MYH11: variants seen among roughly 807,000 people sequenced by gnomAD.
MYH11 encodes myosin heavy chain 11.
Under a neutral mutation model 246.6 loss-of-function variants are expected in MYH11, and 80 were observed. The observed-to-expected ratio is 0.32, with a 90% CI of 0.27 to 0.39. MYH11 has a LOEUF of 0.39. MYH11 is among the 10% of genes least tolerant of loss of function. The pLI is 1.00. For synonymous variants in MYH11, 1,071 were observed against 1,015.5 expected (o/e 1.05, Z -1.04); for missense variants, 2,158 against 2,546.8 (o/e 0.85, Z 3.29).
At chr16:15,722,598 A>G (rs1469965014) in intron 31 of MYH11, among the ~76,000 whole-genome samples, 1 of 152,248 alleles carries the variant, frequency 6.6e-6, no homozygotes, top group East Asian at 1.9e-4. Flanking sequence ...GAAGCATTGA[A>G]GATGAGCTGA....
chr16:15,828,803 A>AAGGAAG, intron 2 of MYH11, among the ~76,000 whole-genome samples: 1 of 143,752 alleles, frequency 7.0e-6, no homozygotes, highest in South Asian at 2.2e-4. Flanking sequence ...AAAAAAAAAA[A>AAGGAAG]GAAGGAAGGA....
At position 15,721,027 on chromosome 16, in the gene MYH11, G is replaced by T; in HGVS notation, c.4603C>A (p.Arg1535=). 1.2e-6 allele frequency: 2 copies of T among 1,613,920 alleles called. No individual in the cohort carries two copies. The highest frequency in any genetic ancestry group is 1.1e-5 in the South Asian group (1 of 91,062). The change falls in exon 33 of 41, where the codon CGG becomes AGG. Residue 1535 remains arginine, a synonymous_variant. Coordinates refer to ENST00000300036, the MANE Select transcript of MYH11 (RefSeq NM_002474.3). ...KNVHELEKSK[R]ALETQMEEMK... The stretch of plus-strand genomic sequence containing the variant: ...TCCTCCATCTGGGTCTCCAGGGCCC[G>T]CTTGGACTTCTCCAGCTCATGGACC...
intron 10 of MYH11, 55 bp downstream of exon 10, chr16:15,763,741 T>TGGGGCCCCCCCCCCC: frequency 1.5e-6 from 1 of 646,852 alleles, no homozygotes; most frequent in Non-Finnish European, 2.9e-6. Context: ...AAATGTCACC[T>TGGGGCCCCCCCCCCC]CCCCCACCCC....
At chr16:15,812,330 T>A (rs2043156372) in intron 3 of MYH11, among the ~76,000 whole-genome samples, 1 of 152,044 alleles carries the variant, frequency 6.6e-6, no homozygotes, top group South Asian at 2.1e-4. Flanking sequence ...TGTAAGCATA[T>A]GCTGAGGGCA....
chr16:15,758,798 TAA>T (rs201338555), intron 12 of MYH11, among the ~76,000 whole-genome samples: 16 of 134,144 alleles, frequency 1.2e-4, no homozygotes, highest in Admixed American at 2.3e-4. Context: ...AGACTCTGTC[TAA>T]AAAAAAAAAA....
chr16:15,761,653 G>A (rs1382485685), intron 10 of MYH11, among the ~76,000 whole-genome samples: 2 of 152,160 alleles, frequency 1.3e-5, no homozygotes, highest in African/African-American at 4.8e-5. Flanking sequence ...CATGAAAATA[G>A]CATTACATGC....
rs747215448 is a variant in MYH11 at position 15,776,138 on chromosome 16, C to G, written c.829G>C (p.Asp277His). The G allele has an allele frequency of 2.5e-6, 4 of 1,614,144 alleles. No homozygotes were observed. The South Asian group carries it at 4.4e-5, about 18-fold the overall frequency. The change falls in exon 8 of 41, where the codon GAC becomes CAC. Residue 277 changes from aspartate (D) to histidine (H), a missense_variant. By Grantham distance (81) the Asp-to-His change is moderately conservative. Transcript: ENST00000300036. The part of the protein sequence containing the change: ...EKSRAIRQAR[D>H]ERTFHIFYYM... ...TAAAAGATGTGGAATGTCCTCTCGT[C>G]TCTGGCTTGGCGAATTGCCCGTGAT...
chr16:15,822,592 A>G (rs983395631), intron 3 of MYH11, among the ~76,000 whole-genome samples: 7 of 152,196 alleles, frequency 4.6e-5, no homozygotes, highest in African/African-American at 1.7e-4. Context: ...GTCCACACCT[A>G]TAGTCCCAGC....
chr16:15,788,254 A>G (rs2042524647), intron 4 of MYH11, among the ~76,000 whole-genome samples: 1 of 150,218 alleles, frequency 6.7e-6, no homozygotes, highest in African/African-American at 2.5e-5. Flanking sequence ...GTCTTCTTCT[A>G]TTTTTCAGTT....
chr16:15,817,000 T>C (rs1483941863), intron 3 of MYH11, among the ~76,000 whole-genome samples: 1 of 152,160 alleles, frequency 6.6e-6, no homozygotes, highest in East Asian at 1.9e-4. Flanking sequence ...ACTGTATATA[T>C]ATGGAATGCT....
chr16:15,799,914 T>C (rs2042839701), intron 3 of MYH11, among the ~76,000 whole-genome samples: 1 of 151,872 alleles, frequency 6.6e-6, no homozygotes, highest in South Asian at 2.1e-4. Context: ...ATGGATGGAT[T>C]GAGGGATGGA....
At chr16:15,714,500 C>A in intron 40 of MYH11, 1 of 318,400 alleles carries the variant, frequency 3.1e-6, no homozygotes, top group Non-Finnish European at 6.0e-6. Flanking sequence ...GGCAGCAGTG[C>A]TGAGGGGGAG....
chr16:15,803,211 G>A (rs911858453), intron 3 of MYH11, among the ~76,000 whole-genome samples: 7 of 151,864 alleles, frequency 4.6e-5, no homozygotes, highest in East Asian at 1.9e-4. Context: ...ACAGATACCC[G>A]TGCCTTTAGC....
At position 15,808,944 on chromosome 16, in the gene MYH11, G is replaced by T. The variant is rs1452435272; in HGVS notation, c.503-10257C>A. Among the ~76,000 whole-genome samples, 5 of 152,110 alleles carry T rather than the reference G, an allele frequency of 3.3e-5. No individual in the cohort carries two copies. The East Asian group carries it at 9.6e-4, about 29-fold the overall frequency. ...GAAAGCAGAACTGGCCAGTGAAGGG[G>T]TGTAGGAGACAGGAAAACCAACGCT... is the stretch of plus-strand genomic sequence containing the variant. On this transcript the variant is annotated intron_variant, in intron 3 of 40. Coordinates refer to ENST00000300036, the MANE Select transcript of MYH11 (RefSeq NM_002474.3).
rs749547239 is a variant in MYH11, at chr16:15,759,717, A to G, written c.1260T>C (p.Ala420=). The G allele has an allele frequency of 1.9e-6, 3 of 1,614,054 alleles. No individual in the cohort carries two copies. The highest frequency in any genetic ancestry group is 1.3e-5 in the African/African-American group (1 of 74,936). ...KAQTKEQADF[A]VEALAKATYE... ...ATGTTGCCTTGGCCAAAGCCTCTAC[A>G]GCAAAGTCAGCCTGCAGAGGGCAAC... The change falls in exon 12 of 41, where the codon GCT becomes GCC. Residue 420 remains alanine, a synonymous_variant. Transcript: ENST00000300036.
chr16:15,725,147 A>AC (rs1303792010), intron 28 of MYH11, 155 bp from the exon 29 acceptor site: 6 of 655,316 alleles, frequency 9.2e-6, no homozygotes, highest in African/African-American at 7.4e-5. Flanking sequence ...AAAAAAAAAA[A>AC]AACACACACA....
chr16:15,719,121 C>CT (rs1334477088), intron 36 of MYH11, 99 bp downstream of exon 36: 13 of 1,219,460 alleles, frequency 1.1e-5, no homozygotes, highest in Admixed American at 3.8e-5. Flanking sequence ...GAATGAAACT[C>CT]TGTCTCGAAA....
At chr16:15,800,232 A>G (rs2042848585) in intron 3 of MYH11, among the ~76,000 whole-genome samples, 1 of 151,800 alleles carries the variant, frequency 6.6e-6, no homozygotes. Context: ...GGATGGGTGG[A>G]TGGAAGAATG....
chr16:15,706,377 G>C (rs1335426349), intron 40 of MYH11, among the ~76,000 whole-genome samples: 2 of 152,110 alleles, frequency 1.3e-5, no homozygotes, highest in East Asian at 3.9e-4. Flanking sequence ...TCCCCACACA[G>C]CTCTCTTCGT....
Sources: allele counts gnomAD v4.1 joint callset (sites outside exome capture counted in the v4.1 genomes callset), GRCh38; gene constraint gnomAD v4.1.1; transcripts MANE v1.5; gene names NCBI Gene and HGNC (gene_info 2026-07-23, HGNC 2026-07-21).